Variants in SLC13A3 observed in about 807,000 individuals in gnomAD.
SLC13A3 encodes Na(+)/dicarboxylate cotransporter 3.
SLC13A3 carries 40 observed loss-of-function variants against 59.0 expected under a neutral mutation model. The observed-to-expected ratio is 0.68, with a 90% CI of 0.53 to 0.88. The LOEUF (loss-of-function observed/expected upper bound fraction) is 0.88. Ranked by LOEUF, SLC13A3 falls within the 40% of genes least tolerant of loss-of-function variation. The pLI is 0.00. For synonymous variants in SLC13A3, 317 were observed against 330.3 expected (o/e 0.96, Z 0.44); for missense variants, 699 against 783.2 (o/e 0.89, Z 1.28).
In SLC13A3 at chr20:46,583,600, G is replaced by A; in HGVS notation, c.1191C>T (p.Pro397=). 1.2e-6 allele frequency: 2 copies of A among 1,613,508 alleles called. No homozygotes were observed. Among genetic ancestry groups the A allele is most frequent in the Non-Finnish European group, 1.7e-6 (2 of 1,179,850 alleles). Residue 397 remains proline (P), a synonymous_variant, in exon 9 of 13, where the codon CCC becomes CCT. Coordinates refer to ENST00000279027, the MANE Select transcript of SLC13A3 (RefSeq NM_022829.6). ...TILFFFPSQR[P]SLKWWFDFKA... The stretch of plus-strand genomic sequence containing the variant: ...TGAAGTCAAACCACCACTTGAGAGA[G>A]GGCCTTTGGGACGGGAAGAAGAACA...
chr20:46,677,119 G>A (rs895674272), intron 1 of SLC13A3, among the ~76,000 whole-genome samples: 1 of 152,106 alleles, frequency 6.6e-6, no homozygotes, highest in Non-Finnish European at 1.5e-5. Context: ...TCGCCATGTT[G>A]GCCAGACTGG....
At position 46,578,905 on chromosome 20, in the gene SLC13A3, G is replaced by GTCA. The variant is rs754672662; in HGVS notation, c.1220-3223_1220-3221dup. Among the ~76,000 whole-genome samples, 394 of 151,468 alleles carry GTCA rather than the reference G, an allele frequency of 2.6e-3. 1 individual carries two copies. Among genetic ancestry groups the GTCA allele is most frequent in the Non-Finnish European group, 3.2e-3 (217 of 67,810 alleles). The stretch of plus-strand genomic sequence containing the variant: ...AGAGGAAAGAGAAGTCGTCGTCGTC[G>GTCA]TCATCATCATCATCATCATCATCAT... On this transcript the variant is annotated intron_variant, in intron 9 of 12. Transcript: ENST00000279027.
At chr20:46,651,512 G>C, upstream of SLC13A3, 1 of 1,343,228 alleles carries the variant, frequency 7.4e-7, no homozygotes, top group Non-Finnish European at 9.5e-7. Flanking sequence ...TCGGGGAGGG[G>C]ACTGCGCTGG....
At chr20:46,679,677 G>A (rs1369719505) in intron 1 of SLC13A3, among the ~76,000 whole-genome samples, 1 of 152,150 alleles carries the variant, frequency 6.6e-6, no homozygotes, top group Admixed American at 6.5e-5. Flanking sequence ...GGAGGCCAAG[G>A]CAGGTGGATC....
chr20:46,674,000 C>T (rs189167496), upstream of SLC13A3, among the ~76,000 whole-genome samples: 52 of 152,314 alleles, frequency 3.4e-4, no homozygotes, highest in African/African-American at 1.2e-3. Flanking sequence ...TTTAGTAGCT[C>T]TGTGATAAGA....
upstream of SLC13A3, among the ~76,000 whole-genome samples, chr20:46,651,742 A>G (rs1267798887): frequency 1.3e-5 from 2 of 152,216 alleles, no homozygotes; most frequent in Non-Finnish European, 2.9e-5. Context: ...CTCGCCTGTG[A>G]GATGGCTGAG....
intron 10 of SLC13A3, among the ~76,000 whole-genome samples, chr20:46,567,345 G>T (rs1388373623): frequency 6.6e-6 from 1 of 152,034 alleles, no homozygotes; most frequent in Non-Finnish European, 1.5e-5. Flanking sequence ...GCACCTGCAG[G>T]CATTAGCTCC....
chr20:46,600,126 T>A, intron 3 of SLC13A3, 89 bp from the exon 4 acceptor site: 1 of 986,156 alleles, frequency 1.0e-6, no homozygotes, highest in Non-Finnish European at 1.5e-6. Context: ...AAGAATGCTT[T>A]CTTTGCCAAG....
chr20:46,651,320 G>A lies in SLC13A3; in HGVS notation c.102C>T (p.Leu34=). The A allele has an allele frequency of 2.0e-5, 30 of 1,511,334 alleles. No individual in the cohort carries two copies. The highest frequency in any genetic ancestry group is 2.7e-5 in the Non-Finnish European group (30 of 1,131,342). The allele number at this position is 1,511,334 out of a possible 1,614,324, so 93.6% of individuals were successfully genotyped here. A position where few individuals can be genotyped will look rare whatever the true frequency, so the allele number is the denominator to read the frequency against. The stretch of plus-strand genomic sequence containing the variant: ...GCGGAGGAGGCGTTACCTTGGGCGG[G>A]AGGGCGAAGACCACCGGCAGCAGCG... ...PLALLPVVFA[L]PPKEGRCLFV... The change falls in exon 1 of 13, where the codon CTC becomes CTT. Residue 34 remains leucine (L), a synonymous_variant. Transcript: ENST00000279027.
chr20:46,580,819 A>G (rs942347264), intron 9 of SLC13A3, among the ~76,000 whole-genome samples: 1 of 152,176 alleles, frequency 6.6e-6, no homozygotes, highest in African/African-American at 2.4e-5. Flanking sequence ...GCAGCTTTCC[A>G]TAAGACACAC....
chr20:46,659,312 C>CT (rs1427345328), intron 1 of SLC13A3, among the ~76,000 whole-genome samples: 1 of 151,846 alleles, frequency 6.6e-6, no homozygotes, highest in African/African-American at 2.4e-5. Flanking sequence ...AATTTTTTAG[C>CT]TTTTTTCTGT....
Position 46,558,667 on chromosome 20 carries a change from G to A in SLC13A3, c.*1355C>T, listed in dbSNP as rs2061904775. 6.6e-6 allele frequency: 1 copy of A among 152,184 alleles called. No homozygotes were observed. The highest frequency in any genetic ancestry group is 1.5e-5 in the Non-Finnish European group (1 of 68,050). 9.4% of individuals were successfully genotyped at this position (152,184 alleles called of 1,614,324 possible). Reference sequence around the variant, plus strand: ...CCTCTCCCACTGCTCTCAGGGAAATGCCCATGATTCACTTATGCTGTATCA... The same window carrying A: ...CCTCTCCCACTGCTCTCAGGGAAATACCCATGATTCACTTATGCTGTATCA... On this transcript the variant is annotated 3_prime_UTR_variant, in exon 13 of 13. Transcript: ENST00000279027.
chr20:46,575,384 A>G (rs2062064767), intron 10 of SLC13A3, among the ~76,000 whole-genome samples, 189 bp downstream of exon 10: 1 of 152,202 alleles, frequency 6.6e-6, no homozygotes, highest in African/African-American at 2.4e-5. Context: ...GCCATAACTC[A>G]TTCCTCTCTT....
At chr20:46,614,026 T>G (rs1227890333) in intron 1 of SLC13A3, 1 of 317,038 alleles carries the variant, frequency 3.2e-6, no homozygotes, top group African/African-American at 2.1e-5. Flanking sequence ...AATACATTGT[T>G]GTCTTAGAGA....
In SLC13A3 at chr20:46,616,093, C is replaced by G. The variant is rs561977955; in HGVS notation, c.112-2368G>C. Reference sequence around the variant, plus strand: ...GCAAAAAGAATAATACAGAATCAAACTCCACAACCAAAAATTCTCTAAGTT... The same window carrying G: ...GCAAAAAGAATAATACAGAATCAAAGTCCACAACCAAAAATTCTCTAAGTT... On this transcript the variant is annotated intron_variant, in intron 1 of 12. Coordinates refer to ENST00000279027, the MANE Select transcript of SLC13A3 (RefSeq NM_022829.6). 2.6e-5 allele frequency among the ~76,000 whole-genome samples: 4 copies of G among 152,238 alleles called. No individual in the cohort carries two copies. In the South Asian group the frequency reaches 6.2e-4, roughly 24 times the overall value.
chr20:46,581,198 G>A (rs892859481), intron 9 of SLC13A3, among the ~76,000 whole-genome samples: 1 of 152,164 alleles, frequency 6.6e-6, no homozygotes, highest in Non-Finnish European at 1.5e-5. Context: ...TTGGGGGCTC[G>A]CCTGCCCTGC....
intron 8 of SLC13A3, among the ~76,000 whole-genome samples, chr20:46,587,574 C>G (rs1465569315): frequency 6.6e-6 from 1 of 152,212 alleles, no homozygotes; most frequent in Non-Finnish European, 1.5e-5. Flanking sequence ...TCTTCCTAAG[C>G]TTTGGCTCTT....
intron 5 of SLC13A3, among the ~76,000 whole-genome samples, chr20:46,594,860 G>T (rs1249387372): frequency 6.6e-6 from 1 of 152,028 alleles, no homozygotes. Flanking sequence ...CAGGGGTTAA[G>T]GTTTTAAAAT....
chr20:46,664,924 C>T (rs2063053378), intron 1 of SLC13A3, among the ~76,000 whole-genome samples: 2 of 152,152 alleles, frequency 1.3e-5, no homozygotes, highest in Admixed American at 1.3e-4. Context: ...GACAAGGTCA[C>T]AGCCAGCCAG....
Sources: gnomAD v4.1 joint callset for allele counts (sites outside exome capture counted in the v4.1 genomes callset) on GRCh38, gnomAD v4.1.1 for gene constraint, MANE v1.5 for transcripts, NCBI Gene and HGNC (gene_info 2026-07-23, HGNC 2026-07-21) for gene names.